IL12RB1: variants seen among roughly 807,000 people sequenced by gnomAD.
The protein encoded by IL12RB1 is interleukin 12 receptor subunit beta 1, also known as interleukin-12 receptor subunit beta-1.
Under a neutral mutation model 94.4 loss-of-function variants are expected in IL12RB1, and 64 were observed. That is an observed-to-expected ratio of 0.68 (90% CI 0.55 to 0.83). The LOEUF is 0.83. Among genes scored for constraint, IL12RB1 ranks in the 40% least tolerant of loss-of-function variants. The pLI, the probability that IL12RB1 is intolerant of heterozygous loss-of-function variation, is 0.00. For synonymous variants in IL12RB1, 362 were observed against 355.5 expected, an observed-to-expected ratio of 1.02 and a Z score of -0.21; for missense variants, 814 against 855.6, an observed-to-expected ratio of 0.95 and a Z score of 0.61.
intron 1 of IL12RB1, among the ~76,000 whole-genome samples, chr19:18,096,948 C>G (rs273502): frequency 0.082 from 12,482 of 151,934 alleles, 1,722 homozygotes; most frequent in African/African-American, 0.28. Context: ...AGTTCAAGAC[C>G]AGCCTGGGCA....
chr19:18,097,632 G>A (rs1400944976), intron 1 of IL12RB1, among the ~76,000 whole-genome samples: 1 of 152,086 alleles, frequency 6.6e-6, no homozygotes, highest in Non-Finnish European at 1.5e-5. Context: ...GAGGGGCGGG[G>A]CCAGCTCGCC....
Position 18,075,939 on chromosome 19 carries a change from A to C in IL12RB1, c.581-71T>G, listed in dbSNP as rs913858044. 22 of 1,487,306 alleles carry C rather than the reference A, an allele frequency of 1.5e-5. No homozygotes were observed. In the African/African-American group the frequency reaches 1.8e-4, roughly 12 times the overall value. The allele number at this position is 1,487,306 out of a possible 1,614,324, so 92.1% of individuals were successfully genotyped here. A position where few individuals can be genotyped will look rare whatever the true frequency, so the allele number is the denominator to read the frequency against. On this transcript the variant is annotated intron_variant, in intron 6 of 16. Transcript: ENST00000593993. The stretch of plus-strand genomic sequence containing the variant: ...ACTTGGCACCAGTCACTTAACCATC[A>C]TGTGCTTATTGAGCTCCAACTGTGT...
intron 3 of IL12RB1, 45 bp from the exon 4 acceptor site, chr19:18,081,046 T>G: frequency 6.4e-7 from 1 of 1,557,892 alleles, no homozygotes; most frequent in Non-Finnish European, 8.8e-7. Context: ...GGGGTCCTAG[T>G]GGACCCCACA....
At chr19:18,074,072 C>T (rs1193476708) in intron 7 of IL12RB1, among the ~76,000 whole-genome samples, 2 of 152,200 alleles carry the variant, frequency 1.3e-5, no homozygotes, top group Non-Finnish European at 2.9e-5. Flanking sequence ...ATCCACTTGC[C>T]TCGGCCTCCC....
chr19:18,064,138 CTT>C (rs55986229), intron 12 of IL12RB1, 128 bp from the exon 13 acceptor site: 8,400 of 343,048 alleles, frequency 0.024, no homozygotes, highest in East Asian at 0.04. Flanking sequence ...CTCTTTCTTT[CTT>C]TTTTTTTTTT....
intron 4 of IL12RB1, among the ~76,000 whole-genome samples, chr19:18,078,059 T>C (rs1433571712): frequency 6.6e-6 from 1 of 152,086 alleles, no homozygotes; most frequent in East Asian, 1.9e-4. Context: ...AAGTGAGCCC[T>C]GATCACACCA....
intron 7 of IL12RB1, among the ~76,000 whole-genome samples, chr19:18,073,953 T>TC (rs2035263990): frequency 6.6e-6 from 1 of 152,202 alleles, no homozygotes; most frequent in African/African-American, 2.4e-5. Context: ...GCCTTCCAAG[T>TC]AGCTGGGATT....
upstream of IL12RB1, among the ~76,000 whole-genome samples, chr19:18,088,731 T>C (rs1395858901): frequency 6.6e-6 from 1 of 151,810 alleles, no homozygotes; most frequent in African/African-American, 2.4e-5. Context: ...GGATGAACCC[T>C]CAAAAACATA....
At chr19:18,069,767 C>A in intron 9 of IL12RB1, 54 bp from the exon 10 acceptor site, 1 of 1,320,056 alleles carries the variant, frequency 7.6e-7, no homozygotes, top group Non-Finnish European at 1.1e-6. Flanking sequence ...TCTCCCCAGT[C>A]CCCTTCTCTG....
In IL12RB1 at chr19:18,069,694, G is replaced by C. The variant is rs771091068; in HGVS notation, c.1041C>G (p.Ile347Met). ...DTHTEPVALN[I>M]SVGTNGTTMY... ...TGGTGGTCCCGTTGGTTCCGACGCT[G>C]ATATTCAGAGCCACTGGTTCTGGAA... The change falls in exon 10 of 17, where the codon ATC (isoleucine) becomes ATG (methionine). Residue 347 changes from isoleucine (I) to methionine (M), a missense_variant. By Grantham distance (10) the Ile-to-Met change is conservative (BLOSUM62 1). Coordinates refer to ENST00000593993, the MANE Select transcript of IL12RB1 (RefSeq NM_005535.3). The C allele has an allele frequency of 1.2e-6, 2 of 1,611,780 alleles. No individual in the cohort carries two copies. The highest frequency in any genetic ancestry group is 2.7e-5 in the African/African-American group (2 of 74,878).
At position 18,061,114 on chromosome 19, in the gene IL12RB1, A is replaced by G. The variant is rs1385690724; in HGVS notation, c.1791+8T>C. 6.6e-7 allele frequency: 1 copy of G among 1,511,632 alleles called. No individual in the cohort carries two copies. The highest frequency in any genetic ancestry group is 9.2e-7 in the Non-Finnish European group (1 of 1,092,042). 93.6% of individuals were successfully genotyped at this position (1,511,632 alleles called of 1,614,324 possible). ...AAAAAGACTTGGAATTAGAAAAGGC[A>G]TCCTTACCTCCTTCCCTCCAGGGAA... On this transcript the variant is annotated splice_region_variant and intron_variant, in intron 15 of 16. Transcript: ENST00000593993.
chr19:18,091,752 C>T (rs984256448), upstream of IL12RB1, among the ~76,000 whole-genome samples: 1 of 152,110 alleles, frequency 6.6e-6, no homozygotes, highest in Admixed American at 6.6e-5. Context: ...GGCTGGAGTG[C>T]AGTGACACAA....
chr19:18,076,394 A>C, intron 5 of IL12RB1, 67 bp from the exon 6 acceptor site: 1 of 815,682 alleles, frequency 1.2e-6, no homozygotes, highest in Admixed American at 1.7e-5. Context: ...CTGTTTTACA[A>C]TTAGTTATTT....
At position 18,066,553 on chromosome 19, in the gene IL12RB1, T is replaced by C; in HGVS notation, c.1472A>G (p.Lys491Arg). 1 of 1,612,712 alleles carries C rather than the reference T, an allele frequency of 6.2e-7. No individual in the cohort carries two copies. The highest frequency in any genetic ancestry group is 8.5e-7 in the Non-Finnish European group (1 of 1,178,980). The change falls in exon 12 of 17, where the codon AAA (lysine) becomes AGA (arginine). Residue 491 changes from lysine (K) to arginine (R), a missense_variant. Transcript: ENST00000593993. The stretch of plus-strand genomic sequence containing the variant: ...ACTGCCTCACGTACCTGACACCTGT[T>C]TGCTGTCTTCATCTCGGCAGCGGAC... ...YVVRCRDEDSKQVSEHPVQPT... is the reference protein window; with the variant it reads ...YVVRCRDEDSRQVSEHPVQPT...
chr19:18,086,195 C>A (rs116348155), intron 1 of IL12RB1, among the ~76,000 whole-genome samples: 3,574 of 151,466 alleles, frequency 0.024, 130 homozygotes, highest in African/African-American at 0.081. Flanking sequence ...TGCACTCCAG[C>A]CTGGGACACA....
At chr19:18,089,700 G>A (rs1279699206), upstream of IL12RB1, among the ~76,000 whole-genome samples, 1 of 152,166 alleles carries the variant, frequency 6.6e-6, no homozygotes, top group Admixed American at 6.5e-5. Context: ...TAGAGTCCAG[G>A]GGCACTGAGG....
exon 1 of IL12RB1, chr19:18,098,799 G>T (rs967117227): frequency 2.2e-5 from 10 of 456,530 alleles, no homozygotes; most frequent in Non-Finnish European, 4.0e-5. Context: ...TGGCTCTGGA[G>T]AGGCAGCGGA....
At chr19:18,072,049 G>T (rs2035094530) in intron 9 of IL12RB1, 63 bp downstream of exon 9, 2 of 1,110,964 alleles carry the variant, frequency 1.8e-6, no homozygotes, top group East Asian at 2.3e-5. Flanking sequence ...TCTAGCTGAG[G>T]CTCAGAGTAG....
In IL12RB1 at chr19:18,082,070, C is replaced by T. The variant is rs17886718; in HGVS notation, c.239+80G>A. 2.1e-3 allele frequency: 1,728 copies of T among 842,048 alleles called. 21 individuals carry two copies. In the African/African-American group the frequency reaches 0.024, roughly 12 times the overall value. 52.2% of individuals were successfully genotyped at this position (842,048 alleles called of 1,614,324 possible). A position where few individuals can be genotyped will look rare whatever the true frequency, so the allele number is the denominator to read the frequency against. On this transcript the variant is annotated intron_variant, in intron 3 of 16. Transcript: ENST00000593993. ...GTTGACCCAGCCAAGATCACGCATCCGAGAGTAGGGGCACCAGAGGGGGTT... is the reference window on the plus strand; with the variant it reads ...GTTGACCCAGCCAAGATCACGCATCTGAGAGTAGGGGCACCAGAGGGGGTT...
Sources: allele counts gnomAD v4.1 joint callset (sites outside exome capture counted in the v4.1 genomes callset), GRCh38; gene constraint gnomAD v4.1.1; transcripts MANE v1.5; gene names NCBI Gene and HGNC (gene_info 2026-07-23, HGNC 2026-07-21).